PTK2: variants seen among roughly 807,000 people sequenced by gnomAD.
PTK2 encodes protein tyrosine kinase 2.
PTK2 carries 45 observed loss-of-function variants against 150.1 expected under a neutral mutation model. That is an observed-to-expected ratio of 0.30 (90% CI 0.24 to 0.38). The LOEUF is 0.38. Ranked by LOEUF, PTK2 falls within the 10% of genes least tolerant of loss-of-function variation. The pLI is 1.00. For synonymous variants in PTK2, 432 were observed against 449.2 expected, an observed-to-expected ratio of 0.96 and a Z score of 0.48; for missense variants, 919 against 1,307.3, an observed-to-expected ratio of 0.70 and a Z score of 4.58.
intron 7 of PTK2, among the ~76,000 whole-genome samples, chr8:140,839,505 G>C (rs2100120980): frequency 6.6e-6 from 1 of 152,028 alleles, no homozygotes; most frequent in South Asian, 2.1e-4. Flanking sequence ...AAACACCACA[G>C]ATGGGCATAC....
intron 1 of PTK2, among the ~76,000 whole-genome samples, chr8:140,992,542 C>T (rs2100196131): frequency 6.6e-6 from 1 of 152,108 alleles, no homozygotes; most frequent in African/African-American, 2.4e-5. Context: ...AGAGGTAGGG[C>T]CTCAGCACTT....
chr8:140,660,802 A>G (rs1201685689), intron 31 of PTK2, among the ~76,000 whole-genome samples: 1 of 152,240 alleles, frequency 6.6e-6, no homozygotes, highest in Non-Finnish European at 1.5e-5. Context: ...GCTGTCCTAC[A>G]GGGTTCGAAT....
chr8:140,665,105 T>C (rs765334791), intron 30 of PTK2, 108 bp from the exon 35 acceptor site: 123 of 1,031,140 alleles, frequency 1.2e-4, no homozygotes, highest in Non-Finnish European at 1.7e-4. Flanking sequence ...GGCAAATTTC[T>C]GTATTTCTTT....
At chr8:140,838,172 T>C (rs944883072) in intron 7 of PTK2, among the ~76,000 whole-genome samples, 2 of 152,222 alleles carry the variant, frequency 1.3e-5, no homozygotes, top group African/African-American at 4.8e-5. Flanking sequence ...GAACATATCA[T>C]GAGTTTTCTT....
rs533804523 is a variant in PTK2 at position 140,766,704 on chromosome 8, GAAACTGAGGCAAAGGATTT to G, written c.1178-2433_1178-2415del. ...CAGTAAAGGAACGCTATACCCCTAA[GAAACTGAGGCAAAGGATTT>G]AATCTGTGTGAGGCAGCACAGAAGT... On this transcript the variant is annotated intron_variant, in intron 14 of 31. Transcript: ENST00000522684. 3.4e-3 allele frequency among the ~76,000 whole-genome samples: 517 copies of G among 152,322 alleles called. 4 individuals carry two copies. The highest frequency in any genetic ancestry group is 0.012 in the African/African-American group (502 of 41,570).
At chr8:140,709,724 G>T (rs2100035753) in intron 23 of PTK2, among the ~76,000 whole-genome samples, 1 of 152,188 alleles carries the variant, frequency 6.6e-6, no homozygotes, top group Non-Finnish European at 1.5e-5. Flanking sequence ...AGTTAGCAAG[G>T]TCATGACACT....
At position 140,894,555 on chromosome 8, in the gene PTK2, A is replaced by C. The variant is rs1343750390; in HGVS notation, c.-32-3786T>G. ...GTACTATGAATCTGCTGGGGGAAAA[A>C]CAAAAGGAAAGAAGAAGAGCCCTAT... is the stretch of plus-strand genomic sequence containing the variant. On this transcript the variant is annotated intron_variant, in intron 2 of 31. Coordinates refer to ENST00000522684, the Ensembl canonical transcript of PTK2. 2.0e-5 allele frequency among the ~76,000 whole-genome samples: 3 copies of C among 152,190 alleles called. 1 individual carries two copies. The South Asian group carries it at 6.2e-4, about 31-fold the overall frequency.
At chr8:141,001,309 T>C (rs1350917250), upstream of PTK2, 9 of 145,684 alleles carry the variant, frequency 6.2e-5, no homozygotes, top group Non-Finnish European at 1.2e-4. Context: ...CCCGCGCGCG[T>C]GCGCGGCAGC....
rs371969468 is a variant in PTK2 at position 140,860,734 on chromosome 8, A to T, written c.450+3578T>A. On this transcript the variant is annotated intron_variant, in intron 5 of 31. Coordinates refer to ENST00000522684, the Ensembl canonical transcript of PTK2. ...GGTGATCCACCCGCCTCGGCCTCCC[A>T]AAGTGCTGGGATCACAGGCGTTAGC... is the stretch of plus-strand genomic sequence containing the variant. Among the ~76,000 whole-genome samples, 6 of 152,122 alleles carry T rather than the reference A, an allele frequency of 3.9e-5. No individual in the cohort carries two copies. The South Asian group carries it at 1.3e-3, about 32-fold the overall frequency.
intron 4 of PTK2, among the ~76,000 whole-genome samples, chr8:140,874,108 C>T (rs1221817959): frequency 6.6e-6 from 1 of 152,174 alleles, no homozygotes; most frequent in Non-Finnish European, 1.5e-5. Context: ...CTTCTTCCTA[C>T]ATGGATAGCC....
chr8:140,670,485 AACAACACACACACAC>A (rs1208788977), intron 29 of PTK2, among the ~76,000 whole-genome samples: 3 of 36,934 alleles, frequency 8.1e-5, no homozygotes, highest in Non-Finnish European at 1.2e-4. Flanking sequence ...AAAAAAAAAC[AACAACACACACACAC>A]ACACACACAC....
intron 14 of PTK2, 109 bp from the exon 17 acceptor site, chr8:140,764,399 A>T: frequency 1.2e-6 from 1 of 805,534 alleles, no homozygotes. Context: ...TACTACGCTG[A>T]AATATTCTTA....
intron 11 of PTK2, among the ~76,000 whole-genome samples, chr8:140,802,855 C>T (rs2154594100): frequency 1.3e-5 from 2 of 152,112 alleles, no homozygotes; most frequent in Admixed American, 1.3e-4. Flanking sequence ...AGGCTACAAC[C>T]ATCTTAGGTT....
intron 27 of PTK2, among the ~76,000 whole-genome samples, chr8:140,676,057 C>T (rs2100013440): frequency 1.3e-5 from 2 of 152,164 alleles, no homozygotes; most frequent in Non-Finnish European, 2.9e-5. Flanking sequence ...TATATGTATA[C>T]AGTGGAATAC....
chr8:140,781,591 T>C (rs2100081701), intron 14 of PTK2, among the ~76,000 whole-genome samples: 1 of 152,170 alleles, frequency 6.6e-6, no homozygotes, highest in Admixed American at 6.5e-5. Flanking sequence ...CTTTAAATTT[T>C]TGTTGTACTC....
At chr8:140,790,257 A>G (rs1035102276) in intron 13 of PTK2, among the ~76,000 whole-genome samples, 1 of 152,218 alleles carries the variant, frequency 6.6e-6, no homozygotes, top group Admixed American at 6.5e-5. Flanking sequence ...TTGACATTTA[A>G]AACAGTATAG....
intron 26 of PTK2, among the ~76,000 whole-genome samples, chr8:140,689,993 C>T (rs1336850498): frequency 6.6e-6 from 1 of 152,206 alleles, no homozygotes; most frequent in African/African-American, 2.4e-5. Flanking sequence ...CCCTCTGTCT[C>T]CCAGGCTGGA....
intron 26 of PTK2, among the ~76,000 whole-genome samples, chr8:140,697,852 G>GTTTTTTTTTTTTTTTTTTTT (rs71308981): frequency 2.1e-5 from 1 of 47,968 alleles, no homozygotes; most frequent in African/African-American, 9.1e-5. Context: ...AGGGTTTACT[G>GTTTTTTTTTTTTTTTTTTTT]TTTTTTTTTT....
At chr8:141,000,390 G>A (rs1488388749) in intron 1 of PTK2, among the ~76,000 whole-genome samples, 1 of 152,202 alleles carries the variant, frequency 6.6e-6, no homozygotes, top group African/African-American at 2.4e-5. Flanking sequence ...CAGGCCGCTC[G>A]GAGCCCACCC....
Sources: allele counts gnomAD v4.1 joint callset (sites outside exome capture counted in the v4.1 genomes callset), GRCh38; gene constraint gnomAD v4.1.1; transcripts MANE v1.5; gene names NCBI Gene and HGNC (gene_info 2026-07-23, HGNC 2026-07-21).